The following LHFPL4 variants were observed in gnomAD, a reference collection of about 807,000 sequenced individuals.
The protein encoded by LHFPL4 is LHFPL tetraspan subfamily member 4 protein.
LHFPL4 carries 6 observed loss-of-function variants against 20.0 expected under a neutral mutation model. The ratio of observed to expected loss-of-function variants is 0.30; its 90% CI spans 0.16 to 0.59. LHFPL4 has a LOEUF of 0.59. Ranked by LOEUF, LHFPL4 falls within the 20% of genes least tolerant of loss-of-function variation. LHFPL4 has a pLI of 0.88. For synonymous variants in LHFPL4, 129 were observed against 143.8 expected (o/e 0.90, Z 0.74); for missense variants, 215 against 331.2 (o/e 0.65, Z 2.72).
At chr3:9,519,649 C>CTG (rs2046325959) in intron 2 of LHFPL4, among the ~76,000 whole-genome samples, 1 of 152,054 alleles carries the variant, frequency 6.6e-6, no homozygotes, top group African/African-American at 2.4e-5. Flanking sequence ...GCTTCAGACT[C>CTG]CTGGGCTCAA....
Position 9,502,096 on chromosome 3 carries a change from G to T in LHFPL4, c.*115C>A. On this transcript the variant is annotated 3_prime_UTR_variant, in exon 4 of 4. Coordinates refer to ENST00000287585, the MANE Select transcript of LHFPL4 (RefSeq NM_198560.3). ...AAGCCTGGAGCTTGCAGGGTAGTCG[G>T]TGAGAAGTAAGTCTGAGATCAGGGT... 1.3e-6 allele frequency: 1 copy of T among 764,330 alleles called. No homozygotes were observed. Among genetic ancestry groups the T allele is most frequent in the South Asian group, 1.6e-5 (1 of 63,270 alleles). The allele number at this position is 764,330 out of a possible 1,614,324, so 47.3% of individuals were successfully genotyped here.
At chr3:9,531,594 C>T (rs930129841) in intron 2 of LHFPL4, among the ~76,000 whole-genome samples, 1 of 152,064 alleles carries the variant, frequency 6.6e-6, no homozygotes, top group Admixed American at 6.6e-5. Context: ...TCTGAAATAA[C>T]AATTCGAGAC....
rs117009319 is a variant in LHFPL4, at chr3:9,550,177, G to A, written c.406+2097C>T. 7.5e-4 allele frequency among the ~76,000 whole-genome samples: 115 copies of A among 152,318 alleles called. 1 individual carries two copies. In the East Asian group the frequency reaches 0.018, roughly 23 times the overall value. On this transcript the variant is annotated intron_variant, in intron 2 of 3. Coordinates refer to ENST00000287585, the MANE Select transcript of LHFPL4 (RefSeq NM_198560.3). Reference sequence around the variant, plus strand: ...GCCAAGAACCCCCACCCCAAGACTCGTAGTCCAGTGGTCTGGCTTCTGGCC... The same window carrying A: ...GCCAAGAACCCCCACCCCAAGACTCATAGTCCAGTGGTCTGGCTTCTGGCC...
rs1359672538 is a variant in LHFPL4, at chr3:9,501,698, C to G, written c.*513G>C. The G allele has an allele frequency of 2.0e-5, 3 of 152,556 alleles. No homozygotes were observed. The highest frequency in any genetic ancestry group is 4.3e-5 in the Non-Finnish European group (3 of 69,178). 9.5% of individuals were successfully genotyped at this position (152,556 alleles called of 1,614,324 possible). Reference sequence around the variant, plus strand: ...CAGGGGAGACTGGTGGCACCTGGAGCTTTGTGGCAGATGTGGTGGAACCAA... The same window carrying G: ...CAGGGGAGACTGGTGGCACCTGGAGGTTTGTGGCAGATGTGGTGGAACCAA... On this transcript the variant is annotated 3_prime_UTR_variant, in exon 4 of 4. Coordinates refer to ENST00000287585, the MANE Select transcript of LHFPL4 (RefSeq NM_198560.3).
intron 2 of LHFPL4, among the ~76,000 whole-genome samples, chr3:9,536,714 C>T (rs2046446472): frequency 6.6e-6 from 1 of 151,972 alleles, no homozygotes; most frequent in Non-Finnish European, 1.5e-5. Flanking sequence ...GTAATCCTAG[C>T]ACTTTGGAAG....
At chr3:9,533,684 A>G (rs2046425996) in intron 2 of LHFPL4, among the ~76,000 whole-genome samples, 1 of 152,132 alleles carries the variant, frequency 6.6e-6, no homozygotes, top group African/African-American at 2.4e-5. Context: ...CAGGAGGCTG[A>G]GTCGGGAGAA....
At chr3:9,553,133 A>G (rs377045330) in intron 1 of LHFPL4, among the ~76,000 whole-genome samples, 23 of 150,820 alleles carry the variant, frequency 1.5e-4, no homozygotes, top group South Asian at 1.3e-3. Context: ...GAATTTAGGG[A>G]GCTCAGAAGG....
At chr3:9,549,333 T>C (rs1479623671) in intron 2 of LHFPL4, among the ~76,000 whole-genome samples, 1 of 152,144 alleles carries the variant, frequency 6.6e-6, no homozygotes, top group Admixed American at 6.6e-5. Flanking sequence ...AAAGAATAAA[T>C]ATCTTTTTGT....
chr3:9,536,944 G>A (rs968072810), intron 2 of LHFPL4, among the ~76,000 whole-genome samples: 2 of 151,688 alleles, frequency 1.3e-5, no homozygotes, highest in Non-Finnish European at 2.9e-5. Context: ...AATTCAGCCG[G>A]GTGTGGTAGT....
chr3:9,511,211 C>T (rs2046257325), intron 2 of LHFPL4, among the ~76,000 whole-genome samples: 2 of 151,698 alleles, frequency 1.3e-5, no homozygotes, highest in Admixed American at 1.3e-4. Flanking sequence ...ATTAGCCACG[C>T]GTGGTGGCGG....
chr3:9,516,494 G>A (rs1048306163), intron 2 of LHFPL4, among the ~76,000 whole-genome samples: 2 of 150,802 alleles, frequency 1.3e-5, no homozygotes, highest in Admixed American at 6.6e-5. Context: ...CTCTTGAGAC[G>A]TTGGAGTCTC....
intron 2 of LHFPL4, among the ~76,000 whole-genome samples, chr3:9,523,072 A>AAGGAAG (rs1553647479): frequency 1.2e-5 from 1 of 81,572 alleles, no homozygotes; most frequent in Admixed American, 1.5e-4. Context: ...AGAAAGAAAG[A>AAGGAAG]AAAGGAAGAA....
rs190025861 is a variant in LHFPL4, at chr3:9,537,049, G to A, written c.406+15225C>T. ...TACAGTGAGCTATGATCGTGCCACT[G>A]TACTGCAGCCTGGGCAACAGAGCAA... On this transcript the variant is annotated intron_variant, in intron 2 of 3. Transcript: ENST00000287585. Among the ~76,000 whole-genome samples, 286 of 152,210 alleles carry A rather than the reference G, an allele frequency of 1.9e-3. 1 individual carries two copies. Among genetic ancestry groups the A allele is most frequent in the African/African-American group, 6.3e-3 (260 of 41,530 alleles).
rs535966936 is a variant in LHFPL4 at position 9,500,495 on chromosome 3, C to G, written c.*1716G>C. 2 of 152,442 alleles carry G rather than the reference C, an allele frequency of 1.3e-5. No individual in the cohort carries two copies. The highest frequency in any genetic ancestry group is 4.8e-5 in the African/African-American group (2 of 41,590). The allele number at this position is 152,442 out of a possible 1,614,324, so 9.4% of individuals were successfully genotyped here. ...GCAGGAACCCACTAGGTCCCAACATCTGATTCCGGCTAGGGTCCAGAGTGG... is the reference window on the plus strand; with the variant it reads ...GCAGGAACCCACTAGGTCCCAACATGTGATTCCGGCTAGGGTCCAGAGTGG... On this transcript the variant is annotated 3_prime_UTR_variant, in exon 4 of 4. Coordinates refer to ENST00000287585, the MANE Select transcript of LHFPL4 (RefSeq NM_198560.3).
intron 2 of LHFPL4, among the ~76,000 whole-genome samples, chr3:9,537,239 G>A (rs969582419): frequency 3.9e-5 from 6 of 152,066 alleles, no homozygotes; most frequent in Non-Finnish European, 7.4e-5. Context: ...TGGCCACACT[G>A]CCCTCCTTTC....
rs903086441 is a variant in LHFPL4 at position 9,501,021 on chromosome 3, G to A, written c.*1190C>T. 3.3e-5 allele frequency: 5 copies of A among 153,066 alleles called. No individual in the cohort carries two copies. Among genetic ancestry groups the A allele is most frequent in the Non-Finnish European group, 7.3e-5 (5 of 68,466 alleles). 9.5% of individuals were successfully genotyped at this position (153,066 alleles called of 1,614,324 possible). A position where few individuals can be genotyped will look rare whatever the true frequency, so the allele number is the denominator to read the frequency against. ...CCACATACACATACACTCATGCCTCGGCTCCAAGCACTGCCCATAGGTGCA... is the reference window on the plus strand; with the variant it reads ...CCACATACACATACACTCATGCCTCAGCTCCAAGCACTGCCCATAGGTGCA... On this transcript the variant is annotated 3_prime_UTR_variant, in exon 4 of 4. Coordinates refer to ENST00000287585, the MANE Select transcript of LHFPL4 (RefSeq NM_198560.3).
chr3:9,499,406 A>T lies in LHFPL4; in HGVS notation c.*2805T>A, dbSNP rs1426074554. On this transcript the variant is annotated 3_prime_UTR_variant, in exon 4 of 4. Coordinates refer to ENST00000287585, the MANE Select transcript of LHFPL4 (RefSeq NM_198560.3). The stretch of plus-strand genomic sequence containing the variant: ...CTGACTTCTACCCCTTGCCTGTGTC[A>T]CCCTGGGGTTCCCGCAGACTTCAGC... The T allele has an allele frequency of 6.6e-6, 1 of 152,650 alleles. No homozygotes were observed. Among genetic ancestry groups the T allele is most frequent in the African/African-American group, 2.4e-5 (1 of 41,374 alleles). 9.5% of individuals were successfully genotyped at this position (152,650 alleles called of 1,614,324 possible).
intron 2 of LHFPL4, among the ~76,000 whole-genome samples, chr3:9,544,756 A>G (rs1185510868): frequency 1.3e-5 from 2 of 152,150 alleles, no homozygotes; most frequent in Non-Finnish European, 2.9e-5. Flanking sequence ...AGTTGCTTAG[A>G]GTCCCCAGAT....
intron 2 of LHFPL4, among the ~76,000 whole-genome samples, chr3:9,522,663 A>C (rs1024406192): frequency 2.0e-5 from 3 of 151,164 alleles, no homozygotes; most frequent in Admixed American, 1.3e-4. Context: ...GAACCGCTTG[A>C]ACCCAGGAGG....
Sources: gnomAD v4.1 joint callset for allele counts (sites outside exome capture counted in the v4.1 genomes callset) on GRCh38, gnomAD v4.1.1 for gene constraint, MANE v1.5 for transcripts, NCBI Gene and HGNC (gene_info 2026-07-23, HGNC 2026-07-21) for gene names.